Variants in OTUD7A observed in about 807,000 individuals in gnomAD.
OTUD7A encodes OTU domain-containing protein 7A.
OTUD7A carries 12 observed loss-of-function variants against 65.7 expected under a neutral mutation model. The ratio of observed to expected loss-of-function variants is 0.18; its 90% CI spans 0.12 to 0.30. The LOEUF is 0.30. Among genes scored for constraint, OTUD7A ranks in the 10% least tolerant of loss-of-function variants. The pLI is 1.00. For missense variants in OTUD7A, 1,148 were observed against 1,304.8 expected, an observed-to-expected ratio of 0.88 and a Z score of 1.85; for synonymous variants, 641 against 586.3, an observed-to-expected ratio of 1.09 and a Z score of -1.35.
At chr15:31,736,923 G>A (rs1894209423) in intron 1 of OTUD7A, among the ~76,000 whole-genome samples, 1 of 152,064 alleles carries the variant, frequency 6.6e-6, no homozygotes, top group African/African-American at 2.4e-5. Flanking sequence ...CCAGGTTCAA[G>A]TGATTCTCCT....
chr15:31,808,252 C>A (rs1265106588), intron 1 of OTUD7A, among the ~76,000 whole-genome samples: 4 of 152,100 alleles, frequency 2.6e-5, no homozygotes, highest in Non-Finnish European at 5.9e-5. Context: ...AATAAAACAG[C>A]AAAACCATCT....
chr15:31,489,998 C>G (rs774456019), intron 10 of OTUD7A, among the ~76,000 whole-genome samples: 1 of 152,194 alleles, frequency 6.6e-6, no homozygotes, highest in Non-Finnish European at 1.5e-5. Flanking sequence ...CTGAAGACAC[C>G]GAGGGGCTCA....
chr15:31,537,669 G>A (rs75391799), intron 5 of OTUD7A, among the ~76,000 whole-genome samples: 5,307 of 152,278 alleles, frequency 0.035, 298 homozygotes, highest in African/African-American at 0.12. Flanking sequence ...GGTTGCCACA[G>A]AGTAAAATAA....
chr15:31,782,110 C>G (rs886262411), intron 1 of OTUD7A, among the ~76,000 whole-genome samples: 3 of 152,222 alleles, frequency 2.0e-5, no homozygotes, highest in African/African-American at 7.2e-5. Flanking sequence ...TCAGACGTGA[C>G]GCACAGTGAC....
At chr15:31,636,932 G>A (rs1169907694) in intron 3 of OTUD7A, among the ~76,000 whole-genome samples, 1 of 152,166 alleles carries the variant, frequency 6.6e-6, no homozygotes, top group African/African-American at 2.4e-5. Flanking sequence ...AGCTAGCAGA[G>A]GCTGGTTCAT....
At chr15:31,810,761 TACTA>T (rs1444744305) in intron 1 of OTUD7A, among the ~76,000 whole-genome samples, 1 of 152,214 alleles carries the variant, frequency 6.6e-6, no homozygotes, top group African/African-American at 2.4e-5. Flanking sequence ...AATGGTTCTC[TACTA>T]ACTGTTGGAG....
chr15:31,713,979 G>T (rs894432135), intron 1 of OTUD7A, among the ~76,000 whole-genome samples: 1 of 141,610 alleles, frequency 7.1e-6, no homozygotes, highest in Non-Finnish European at 1.6e-5. Flanking sequence ...TGAAAATACC[G>T]AGTGTTGGCA....
intron 1 of OTUD7A, among the ~76,000 whole-genome samples, chr15:31,658,316 C>A (rs973671699): frequency 1.7e-4 from 26 of 152,304 alleles, no homozygotes; most frequent in African/African-American, 5.8e-4. Flanking sequence ...CAGGTCTCCA[C>A]TGAGCAAGAA....
At position 31,484,514 on chromosome 15, in the gene OTUD7A, T is replaced by C. The variant is rs201681150; in HGVS notation, c.1582A>G (p.Ser528Gly). 1.3e-4 allele frequency: 211 copies of C among 1,610,188 alleles called. No individual in the cohort carries two copies. The highest frequency in any genetic ancestry group is 1.7e-4 in the Non-Finnish European group (198 of 1,179,994). The change falls in exon 13 of 13, where the codon AGC becomes GGC. Residue 528 changes from serine to glycine, a missense_variant. Physicochemically the swap from Ser to Gly is moderately conservative, Grantham distance 56. Coordinates refer to ENST00000307050, the MANE Select transcript of OTUD7A (RefSeq NM_001382637.1). This position sits in a 1 kb window ranked among gnomAD's most constrained non-coding sequence, Gnocchi z 4.5. ...TTCAGCTTGATGCCCAGCGTCTTGC[T>C]GAAGCTGCCCAGCTTGTTGGCCACG... ...DSVANKLGSF[S>G]KTLGIKLKKN...
chr15:31,624,886 G>A (rs1193589413), intron 3 of OTUD7A, among the ~76,000 whole-genome samples: 8 of 152,162 alleles, frequency 5.3e-5, no homozygotes, highest in Middle Eastern at 3.4e-3. Flanking sequence ...TTCTCCCCAC[G>A]GGGTGGCCAC....
intron 1 of OTUD7A, among the ~76,000 whole-genome samples, chr15:31,860,683 A>ATATATATATATATATATATATG (rs1567059974): frequency 4.1e-5 from 5 of 122,608 alleles, no homozygotes; most frequent in Non-Finnish European, 8.6e-5. Flanking sequence ...GTGTGTATAT[A>ATATATATATATATATATATATG]TATATATATA....
chr15:31,767,149 G>A (rs1895112395), intron 1 of OTUD7A: 1 of 1,393,710 alleles, frequency 7.2e-7, no homozygotes, highest in Non-Finnish European at 1.0e-6. Flanking sequence ...AGACTGAGAA[G>A]GCGGCACTCA....
At chr15:31,815,162 T>A (rs1375513850) in intron 1 of OTUD7A, among the ~76,000 whole-genome samples, 1 of 152,258 alleles carries the variant, frequency 6.6e-6, no homozygotes, top group Middle Eastern at 3.4e-3. Flanking sequence ...AATCTGCAAT[T>A]GCACAAATCT....
chr15:31,863,234 C>T (rs963441701), intron 1 of OTUD7A, among the ~76,000 whole-genome samples: 1 of 152,206 alleles, frequency 6.6e-6, no homozygotes, highest in African/African-American at 2.4e-5. Context: ...TTTCCAGGTG[C>T]ACGGTGCAAA....
At chr15:31,595,720 A>G (rs1889884024) in intron 3 of OTUD7A, among the ~76,000 whole-genome samples, 1 of 152,246 alleles carries the variant, frequency 6.6e-6, no homozygotes, top group South Asian at 2.1e-4. Context: ...AAGAGGTGTC[A>G]GCAGAGCCGT....
intron 1 of OTUD7A, among the ~76,000 whole-genome samples, chr15:31,722,747 G>A (rs113081798): frequency 3.3e-5 from 5 of 152,356 alleles, no homozygotes; most frequent in African/African-American, 1.2e-4. Context: ...AAGGTCCCTA[G>A]CACAGTGGTC....
At chr15:31,809,029 C>T (rs1284493991) in intron 1 of OTUD7A, among the ~76,000 whole-genome samples, 2 of 152,164 alleles carry the variant, frequency 1.3e-5, no homozygotes, top group African/African-American at 4.8e-5. Flanking sequence ...CCAAGAAGTG[C>T]CTGGGGGACC....
At chr15:31,662,920 A>G (rs1595693861) in intron 1 of OTUD7A, among the ~76,000 whole-genome samples, 1 of 152,200 alleles carries the variant, frequency 6.6e-6, no homozygotes, top group East Asian at 1.9e-4. Context: ...TCCTGCTCAA[A>G]TCAAAGCTAT....
At chr15:31,703,540 T>C (rs1893261127) in intron 1 of OTUD7A, among the ~76,000 whole-genome samples, 1 of 151,846 alleles carries the variant, frequency 6.6e-6, no homozygotes, top group Admixed American at 6.6e-5. Context: ...TACACATCTA[T>C]CAGAACAGCA....
Sources: gnomAD v4.1 joint callset for allele counts (sites outside exome capture counted in the v4.1 genomes callset) on GRCh38, gnomAD v4.1.1 for gene constraint, Gnocchi (gnomAD v3.1) non-coding constraint, MANE v1.5 for transcripts, NCBI Gene and HGNC (gene_info 2026-07-23, HGNC 2026-07-21) for gene names.